The following DCLK2 variants were observed in gnomAD, a reference collection of about 807,000 sequenced individuals.
DCLK2 encodes the protein serine/threonine-protein kinase DCLK2.
In DCLK2, 31 loss-of-function variants were observed where a neutral mutation model predicts 78.4. The observed-to-expected ratio is 0.40, with a 90% confidence interval of 0.30 to 0.53. The LOEUF (loss-of-function observed/expected upper bound fraction) is 0.53, where lower values mean the gene tolerates loss of function less well. Ranked by LOEUF, DCLK2 falls within the 20% of genes least tolerant of loss-of-function variation. DCLK2 has a pLI of 0.61. For synonymous variants in DCLK2, 407 were observed against 374.9 expected, an observed-to-expected ratio of 1.09 and a Z score of -0.99; for missense variants, 872 against 973.7, an observed-to-expected ratio of 0.90 and a Z score of 1.39.
intron 5 of DCLK2, among the ~76,000 whole-genome samples, chr4:150,210,904 C>T (rs368526764): frequency 1.6e-4 from 23 of 146,010 alleles, no homozygotes; most frequent in African/African-American, 5.1e-4. Flanking sequence ...GCGGAGATTG[C>T]GCCATTGCAC....
In DCLK2 at chr4:150,171,459, C is replaced by T. The variant is rs189867751; in HGVS notation, c.757-21679C>T. Among the ~76,000 whole-genome samples, 288 of 152,014 alleles carry T rather than the reference C, an allele frequency of 1.9e-3. 1 individual carries two copies. The highest frequency in any genetic ancestry group is 6.6e-3 in the African/African-American group (272 of 41,466). On this transcript the variant is annotated intron_variant, in intron 2 of 15. Coordinates refer to ENST00000296550, the MANE Select transcript of DCLK2 (RefSeq NM_001040260.4). Reference sequence around the variant, plus strand: ...TCGCGCCACTGCACTCCAGCCTGGGCGACAGAGCGAGACTCCGTCTCAAAA... The same window carrying T: ...TCGCGCCACTGCACTCCAGCCTGGGTGACAGAGCGAGACTCCGTCTCAAAA...
At chr4:150,107,451 A>G (rs1351918990) in intron 2 of DCLK2, among the ~76,000 whole-genome samples, 1 of 142,388 alleles carries the variant, frequency 7.0e-6, no homozygotes, top group East Asian at 2.1e-4. Context: ...ATCTCGGCTT[A>G]CTGCAGCTTT....
chr4:150,105,480 G>C (rs4530613), intron 2 of DCLK2, among the ~76,000 whole-genome samples: 7 of 151,920 alleles, frequency 4.6e-5, no homozygotes, highest in South Asian at 4.1e-4. Flanking sequence ...AAAATGTTCA[G>C]TGTTTTTGAA....
intron 10 of DCLK2, among the ~76,000 whole-genome samples, chr4:150,235,839 C>T (rs1742456736): frequency 6.6e-6 from 1 of 152,202 alleles, no homozygotes; most frequent in African/African-American, 2.4e-5. Flanking sequence ...ATCTGATTTG[C>T]ATCCCGCTCT....
chr4:150,078,866 T>A lies in DCLK2; in HGVS notation c.-162T>A. The A allele has an allele frequency of 2.2e-6, 2 of 920,248 alleles. No homozygotes were observed. The highest frequency in any genetic ancestry group is 3.0e-6 in the Non-Finnish European group (2 of 658,334). 57.0% of individuals were successfully genotyped at this position (920,248 alleles called of 1,614,324 possible). ...TAGCTGAGGGCGCGGGCGGGTCGGC[T>A]CCTCCGCGGCTCCTCGGCCCCACCT... On this transcript the variant is annotated 5_prime_UTR_variant, in exon 1 of 16. Transcript: ENST00000296550.
chr4:150,108,139 A>G (rs950989973), intron 2 of DCLK2, among the ~76,000 whole-genome samples: 2 of 152,208 alleles, frequency 1.3e-5, no homozygotes, highest in South Asian at 4.1e-4. Context: ...AGTCATGGTT[A>G]TTCTCCACTT....
intron 4 of DCLK2, among the ~76,000 whole-genome samples, chr4:150,200,029 T>A (rs1376699347): frequency 6.6e-6 from 1 of 152,116 alleles, no homozygotes; most frequent in Non-Finnish European, 1.5e-5. Flanking sequence ...TTTAAAAAAA[T>A]TTTAATAAAA....
At chr4:150,164,939 A>G (rs902292607) in intron 2 of DCLK2, among the ~76,000 whole-genome samples, 9 of 152,222 alleles carry the variant, frequency 5.9e-5, no homozygotes, top group Non-Finnish European at 1.3e-4. Context: ...GTCACACTGT[A>G]AGACCCTTAC....
In DCLK2 at chr4:150,256,082, G is replaced by C. The variant is rs1333223286; in HGVS notation, c.2136G>C (p.Arg712Ser). ...FCSKHCQDSG[R>S]PGMEPISPVP... ...GCAAGCACTGTCAAGACAGCGGCAG[G>C]CCTGGGATGGAGCCCATCTCTCCAG... The change falls in exon 16 of 16, where the codon AGG (arginine) becomes AGC (serine). Residue 712 changes from arginine (R) to serine (S), a missense_variant. By Grantham distance (110) the Arg-to-Ser change is moderately radical (BLOSUM62 -1). Around this residue, in one of 3 missense-constraint regions of DCLK2, gnomAD observed 219 missense variants for 230.1 expected, o/e 0.95. Transcript: ENST00000296550. 1.2e-6 allele frequency: 2 copies of C among 1,613,070 alleles called. No homozygotes were observed. Among genetic ancestry groups the C allele is most frequent in the East Asian group, 2.2e-5 (1 of 44,830 alleles).
At chr4:150,204,968 T>TC (rs1739744874) in intron 5 of DCLK2, among the ~76,000 whole-genome samples, 1 of 152,198 alleles carries the variant, frequency 6.6e-6, no homozygotes, top group African/African-American at 2.4e-5. Flanking sequence ...AATACTGATG[T>TC]ATACACAGTG....
chr4:150,205,620 G>A (rs1163912044), intron 5 of DCLK2, among the ~76,000 whole-genome samples: 3 of 152,170 alleles, frequency 2.0e-5, no homozygotes, highest in African/African-American at 7.2e-5. Flanking sequence ...CATAAATTAA[G>A]AATTAGTAGT....
At chr4:150,203,223 T>G (rs1328237567) in intron 4 of DCLK2, among the ~76,000 whole-genome samples, 1 of 152,038 alleles carries the variant, frequency 6.6e-6, no homozygotes, top group Non-Finnish European at 1.5e-5. Flanking sequence ...ATAAAAAAGG[T>G]TGAAGAATGT....
rs1438198215 is a variant in DCLK2 at position 150,105,449 on chromosome 4, A to T, written c.756+2637A>T. ...AAACAAGTGAGATGTTTTAATATTT[A>T]AAACTGACAAGCTCTTAAAGAAAAT... is the stretch of plus-strand genomic sequence containing the variant. On this transcript the variant is annotated intron_variant, in intron 2 of 15. Transcript: ENST00000296550. Among the ~76,000 whole-genome samples, 8 of 152,152 alleles carry T rather than the reference A, an allele frequency of 5.3e-5. 1 individual carries two copies. Among genetic ancestry groups the T allele is most frequent in the African/African-American group, 1.9e-4 (8 of 41,444 alleles).
At chr4:150,130,453 A>C (rs28642700) in intron 2 of DCLK2, among the ~76,000 whole-genome samples, 23,478 of 152,058 alleles carry the variant, frequency 0.15, 2,263 homozygotes, top group Non-Finnish European at 0.23. Context: ...GTACCCACAC[A>C]TGTACACGAA....
intron 2 of DCLK2, among the ~76,000 whole-genome samples, chr4:150,138,351 G>A (rs576108779): frequency 4.6e-5 from 7 of 152,244 alleles, no homozygotes; most frequent in Non-Finnish European, 7.4e-5. Flanking sequence ...GCTCATGCCC[G>A]TAATCCCAGC....
intron 2 of DCLK2, among the ~76,000 whole-genome samples, chr4:150,152,072 CAT>C (rs940292086): frequency 1.3e-5 from 2 of 152,166 alleles, no homozygotes; most frequent in East Asian, 1.9e-4. Flanking sequence ...TATGAAATCA[CAT>C]GTGTTCACCA....
At position 150,240,425 on chromosome 4, in the gene DCLK2, C is replaced by T; in HGVS notation, c.1727C>T (p.Ala576Val). 2 of 1,613,952 alleles carry T rather than the reference C, an allele frequency of 1.2e-6. No homozygotes were observed. The highest frequency in any genetic ancestry group is 2.2e-5 in the East Asian group (1 of 44,878). ...TGYGLKVDIW[A>V]AGVITYILLC... ...TATGGCCTGAAGGTGGACATTTGGG[C>T]AGCTGGTGTGATCACATACATACTT... Residue 576 changes from alanine (A) to valine (V), a missense_variant, in exon 12 of 16, where the codon GCA (alanine) becomes GTA (valine). Ala to Val is a moderately conservative substitution (Grantham distance 64). Around this residue, in one of 3 missense-constraint regions of DCLK2, gnomAD observed 86 missense variants for 150.3 expected, o/e 0.57. Coordinates refer to ENST00000296550, the MANE Select transcript of DCLK2 (RefSeq NM_001040260.4).
chr4:150,172,475 C>T (rs911932861), intron 2 of DCLK2, among the ~76,000 whole-genome samples: 25 of 151,700 alleles, frequency 1.6e-4, no homozygotes, highest in East Asian at 1.9e-4. Context: ...GGCATCATGG[C>T]GGGCGCCTGT....
chr4:150,146,742 A>C (rs959363338), intron 2 of DCLK2, among the ~76,000 whole-genome samples: 3 of 152,186 alleles, frequency 2.0e-5, no homozygotes, highest in Non-Finnish European at 4.4e-5. Flanking sequence ...GAATCCTCAG[A>C]TATATGAGTT....
Sources: gnomAD v4.1 joint callset for allele counts (sites outside exome capture counted in the v4.1 genomes callset) on GRCh38, gnomAD v4.1.1 for gene constraint, gnomAD v4.1.1 regional missense constraint, MANE v1.5 for transcripts, NCBI Gene and HGNC (gene_info 2026-07-23, HGNC 2026-07-21) for gene names.